Variants in ASIC5 observed in about 807,000 individuals in gnomAD.
ASIC5 encodes acid sensing ion channel subunit family member 5, also known as bile acid-sensitive ion channel.
In ASIC5, 52 loss-of-function variants were observed where a neutral mutation model predicts 51.2. The ratio of observed to expected loss-of-function variants is 1.02; its 90% CI spans 0.81 to 1.28. The LOEUF (loss-of-function observed/expected upper bound fraction) is 1.28. ASIC5 is among the 50% of genes most tolerant of loss of function. ASIC5 has a pLI of 0.00. For synonymous variants in ASIC5, 231 were observed against 200.7 expected, an observed-to-expected ratio of 1.15 and a Z score of -1.28; for missense variants, 635 against 595.0, an observed-to-expected ratio of 1.07 and a Z score of -0.70.
At chr4:155,854,811 C>T (rs1741487708) in intron 2 of ASIC5, 1 of 155,012 alleles carries the variant, frequency 6.5e-6, no homozygotes, top group Non-Finnish European at 1.4e-5. Flanking sequence ...AGGACCACAG[C>T]TCCTCCAGCT....
intron 3 of ASIC5, among the ~76,000 whole-genome samples, 191 bp downstream of exon 3, chr4:155,853,885 GC>G (rs1741453094): frequency 6.6e-6 from 1 of 151,868 alleles, no homozygotes. Context: ...TTATCTAACT[GC>G]TTGAAAGAGG....
intron 2 of ASIC5, among the ~76,000 whole-genome samples, chr4:155,857,760 A>G (rs1437115536): frequency 6.6e-6 from 1 of 152,056 alleles, no homozygotes; most frequent in African/African-American, 2.4e-5. Context: ...TTTACAGATG[A>G]TTTTATGAAG....
At chr4:155,863,841 A>C in intron 1 of ASIC5, 87 bp from the exon 2 acceptor site, 1 of 1,079,068 alleles carries the variant, frequency 9.3e-7, no homozygotes, top group Non-Finnish European at 1.3e-6. Flanking sequence ...AACTCACATA[A>C]TTTAAAGAGG....
chr4:155,859,091 TTATC>T (rs1342888845), intron 2 of ASIC5, among the ~76,000 whole-genome samples: 2 of 151,932 alleles, frequency 1.3e-5, no homozygotes, highest in Non-Finnish European at 2.9e-5. Context: ...ATCTTTGCAG[TTATC>T]TATTTAGGAA....
intron 1 of ASIC5, 62 bp downstream of exon 1, chr4:155,866,125 C>A: frequency 9.5e-7 from 1 of 1,052,230 alleles, no homozygotes. Flanking sequence ...TCTCTCTTTT[C>A]TTACTTCTGG....
At chr4:155,862,574 T>C (rs1303630810) in intron 2 of ASIC5, among the ~76,000 whole-genome samples, 3 of 152,140 alleles carry the variant, frequency 2.0e-5, no homozygotes, top group Non-Finnish European at 4.4e-5. Context: ...GGAAGCCTAG[T>C]GGTGGAAAGT....
intron 6 of ASIC5, among the ~76,000 whole-genome samples, chr4:155,839,831 A>C (rs368017982): frequency 2.8e-4 from 43 of 152,324 alleles, no homozygotes; most frequent in African/African-American, 1.0e-3. Flanking sequence ...AATTCAGAAA[A>C]AAAAGATGGT....
rs114080939 is a variant in ASIC5, at chr4:155,848,788, C to T, written c.711+3403G>A. The stretch of plus-strand genomic sequence containing the variant: ...AGGACTCATGGAGAGCTAAAATGTT[C>T]ATGAGTATTAAACAGAACAGGAATT... On this transcript the variant is annotated intron_variant, in intron 4 of 9. Transcript: ENST00000537611. Among the ~76,000 whole-genome samples, 676 of 152,154 alleles carry T rather than the reference C, an allele frequency of 4.4e-3. 5 individuals are homozygous for T. The highest frequency in any genetic ancestry group is 0.016 in the African/African-American group (645 of 41,556).
In ASIC5 at chr4:155,838,805, G is replaced by A; in HGVS notation, c.1066+8C>T. 2.6e-6 allele frequency: 4 copies of A among 1,544,924 alleles called. No individual in the cohort carries two copies. The highest frequency in any genetic ancestry group is 2.7e-6 in the Non-Finnish European group (3 of 1,121,560). On this transcript the variant is annotated splice_region_variant and intron_variant, in intron 7 of 9. Coordinates refer to ENST00000537611, the MANE Select transcript of ASIC5 (RefSeq NM_017419.3). ...AATCCTGAAAATAAAAGTAAATTAA[G>A]CACTTACCAAGTACAGGAGAAACAC...
Position 155,838,858 on chromosome 4 carries a change from C to T in ASIC5, c.1021G>A (p.Glu341Lys). 6.4e-7 allele frequency: 1 copy of T among 1,571,342 alleles called. No homozygotes were observed. Among genetic ancestry groups the T allele is most frequent in the Non-Finnish European group, 8.7e-7 (1 of 1,143,630 alleles). Residue 341 changes from glutamate (E) to lysine (K), a missense_variant, in exon 7 of 10, where the codon GAA becomes AAA. Glu to Lys is a moderately conservative substitution (Grantham distance 56). Transcript: ENST00000537611. ...VPFLLPGYGI[E>K]CDLQKYFSCV... ...CTGAAGTACTTTTGTAGGTCACATTCTATCCCATATCCTTAAAAATAATAA... is the reference window on the plus strand; with the variant it reads ...CTGAAGTACTTTTGTAGGTCACATTTTATCCCATATCCTTAAAAATAATAA...
At chr4:155,854,564 T>A (rs1367684883) in intron 2 of ASIC5, among the ~76,000 whole-genome samples, 1 of 152,080 alleles carries the variant, frequency 6.6e-6, no homozygotes, top group Non-Finnish European at 1.5e-5. Flanking sequence ...ACCTAATGGA[T>A]CTTCAAGATT....
Position 155,863,487 on chromosome 4 carries a change from T to A in ASIC5, c.308A>T (p.Lys103Met). The stretch of plus-strand genomic sequence containing the variant: ...AAATGTCACAGCTGGGAACTCCATC[T>A]TTTCCACATATTGAACCTCAATGGA... ...TTSIEVQYVE[K>M]MEFPAVTFCN... Residue 103 changes from lysine (K) to methionine (M), a missense_variant, in exon 2 of 10, where the codon AAG becomes ATG. Transcript: ENST00000537611. 1 of 1,613,624 alleles carries A rather than the reference T, an allele frequency of 6.2e-7. No homozygotes were observed. The highest frequency in any genetic ancestry group is 8.5e-7 in the Non-Finnish European group (1 of 1,179,748).
In ASIC5 at chr4:155,843,707, C is replaced by A. The variant is rs745353708; in HGVS notation, c.835G>T (p.Ala279Ser). The A allele has an allele frequency of 2.5e-6, 4 of 1,613,502 alleles. No homozygotes were observed. The highest frequency in any genetic ancestry group is 2.2e-5 in the East Asian group (1 of 44,842). Residue 279 changes from alanine to serine, a missense_variant, in exon 5 of 10, where the codon GCA (alanine) becomes TCA (serine). Coordinates refer to ENST00000537611, the MANE Select transcript of ASIC5 (RefSeq NM_017419.3). ...TTCACTTGGCGGATGGTTACCCTTGCGTGCATTCCCACAGGTGACAACAAG... is the reference window on the plus strand; with the variant it reads ...TTCACTTGGCGGATGGTTACCCTTGAGTGCATTCCCACAGGTGACAACAAG... Reference protein sequence around the residue: ...LGLLSPVGMHARVTIRQVKTV... With the variant: ...LGLLSPVGMHSRVTIRQVKTV...
At chr4:155,830,073 T>C (rs1379225151) in intron 9 of ASIC5, 27 bp from the exon 10 acceptor site, 3 of 1,424,876 alleles carry the variant, frequency 2.1e-6, no homozygotes, top group African/African-American at 3.0e-5. Context: ...AAAGATTGAA[T>C]GTCATTATTT....
intron 2 of ASIC5, 88 bp from the exon 3 acceptor site, chr4:155,854,402 T>C: frequency 1.0e-6 from 1 of 956,554 alleles, no homozygotes; most frequent in Non-Finnish European, 1.6e-6. Context: ...TTCTATTAGC[T>C]TCTTCTTATC....
chr4:155,852,203 GAAGA>G lies in ASIC5; in HGVS notation c.695_698del (p.Leu232ProfsTer3). On this transcript the variant is annotated frameshift_variant, in exon 4 of 10. Coordinates refer to ENST00000537611, the MANE Select transcript of ASIC5 (RefSeq NM_017419.3). LOFTEE classifies it high-confidence loss of function. ...GAAAATTCAGTACCTGATTCACATT[GAAGA>G]GTAAGCTCAAACCTCTTCCAGAGAC... The G allele has an allele frequency of 6.2e-7, 1 of 1,611,780 alleles. No homozygotes were observed. Among genetic ancestry groups the G allele is most frequent in the Non-Finnish European group, 8.5e-7 (1 of 1,178,706 alleles).
chr4:155,831,443 T>A (rs185372282), intron 9 of ASIC5, among the ~76,000 whole-genome samples: 2 of 152,164 alleles, frequency 1.3e-5, no homozygotes, highest in Admixed American at 1.3e-4. Context: ...ACCTTAAATA[T>A]CAAAGAAAAA....
chr4:155,857,485 T>G (rs1210462891), intron 2 of ASIC5, among the ~76,000 whole-genome samples: 1 of 152,072 alleles, frequency 6.6e-6, no homozygotes, highest in East Asian at 1.9e-4. Flanking sequence ...AAACCTTGCT[T>G]AGCTAGAATT....
chr4:155,833,527 G>A (rs1425720853), intron 8 of ASIC5, among the ~76,000 whole-genome samples: 1 of 152,094 alleles, frequency 6.6e-6, no homozygotes, highest in Non-Finnish European at 1.5e-5. Context: ...TGTTTAAGTA[G>A]ATAATCAGGG....
Sources: allele counts gnomAD v4.1 joint callset (sites outside exome capture counted in the v4.1 genomes callset), GRCh38; gene constraint gnomAD v4.1.1; transcripts MANE v1.5; gene names NCBI Gene and HGNC (gene_info 2026-07-23, HGNC 2026-07-21).